The following SLC30A8 variants were observed in gnomAD, a reference collection of about 807,000 sequenced individuals.
SLC30A8 encodes the protein proton-coupled zinc antiporter SLC30A8.
Under a neutral mutation model 36.9 loss-of-function variants are expected in SLC30A8, and 27 were observed. The ratio of observed to expected loss-of-function variants is 0.73; its 90% CI spans 0.54 to 1.01. SLC30A8 has a LOEUF of 1.01. Ranked by LOEUF, SLC30A8 falls within the 50% of genes least tolerant of loss-of-function variation. The pLI is 0.00. For synonymous variants in SLC30A8, 164 were observed against 172.4 expected, an observed-to-expected ratio of 0.95 and a Z score of 0.38; for missense variants, 439 against 452.0, an observed-to-expected ratio of 0.97 and a Z score of 0.26.
At chr8:117,093,978 C>T (rs927021832) in intron 2 of SLC30A8, among the ~76,000 whole-genome samples, 9 of 152,198 alleles carry the variant, frequency 5.9e-5, no homozygotes, top group African/African-American at 1.9e-4. Flanking sequence ...TGGCTCCCTG[C>T]GAGGCTTTGG....
chr8:117,097,903 AAT>A (rs1819512768), intron 2 of SLC30A8, among the ~76,000 whole-genome samples: 2 of 102,164 alleles, frequency 2.0e-5, no homozygotes, highest in South Asian at 5.5e-4. Context: ...TATTATATAT[AAT>A]ATATAATTTT....
At chr8:117,003,206 A>G (rs1218387009) in intron 1 of SLC30A8, among the ~76,000 whole-genome samples, 1 of 152,238 alleles carries the variant, frequency 6.6e-6, no homozygotes, top group Non-Finnish European at 1.5e-5. Context: ...CACAGTGGTT[A>G]ATATGGTCTT....
intron 7 of SLC30A8, 60 bp from the exon 8 acceptor site, chr8:117,172,475 CA>C: frequency 6.2e-7 from 1 of 1,610,188 alleles, no homozygotes; most frequent in Non-Finnish European, 8.5e-7. Context: ...AAGTTGGAGT[CA>C]GAGCAGTCGC....
chr8:117,033,478 A>G (rs1433424367), intron 1 of SLC30A8, among the ~76,000 whole-genome samples: 2 of 152,220 alleles, frequency 1.3e-5, no homozygotes, highest in East Asian at 3.8e-4. Context: ...ATAACAGGAA[A>G]TGAGGAGCAC....
chr8:117,011,480 C>A (rs188165017), intron 1 of SLC30A8, among the ~76,000 whole-genome samples: 8 of 152,328 alleles, frequency 5.3e-5, no homozygotes, highest in African/African-American at 1.7e-4. Context: ...AAATTAAACA[C>A]TTCTACCCTG....
Position 117,173,029 on chromosome 8 carries a change from G to A in SLC30A8, c.*348G>A. On this transcript the variant is annotated 3_prime_UTR_variant, in exon 8 of 8. Transcript: ENST00000456015. ...GAACACATAGGTAAATTTGAACTCA[G>A]GAAAGTCTTACTAGAAATCAGTGGA... 4.9e-6 allele frequency: 1 copy of A among 205,102 alleles called. No individual in the cohort carries two copies. Among genetic ancestry groups the A allele is most frequent in the Admixed American group, 5.6e-5 (1 of 17,792 alleles). The allele number at this position is 205,102 out of a possible 1,614,324, so 12.7% of individuals were successfully genotyped here.
chr8:117,115,979 G>A (rs1194686875), intron 2 of SLC30A8, among the ~76,000 whole-genome samples: 2 of 152,044 alleles, frequency 1.3e-5, no homozygotes, highest in Non-Finnish European at 2.9e-5. Context: ...TTGGTTGTGC[G>A]TTTATATTAT....
intron 2 of SLC30A8, among the ~76,000 whole-genome samples, chr8:117,111,823 CTG>C (rs1820240941): frequency 6.6e-6 from 1 of 152,142 alleles, no homozygotes; most frequent in South Asian, 2.1e-4. Flanking sequence ...TTTGAGGTAA[CTG>C]TGCATAAAAC....
chr8:117,062,908 T>C (rs1280446637), intron 2 of SLC30A8, among the ~76,000 whole-genome samples: 1 of 152,226 alleles, frequency 6.6e-6, no homozygotes, highest in Non-Finnish European at 1.5e-5. Context: ...TTGGCAGAAA[T>C]CATTTTTTCC....
intron 1 of SLC30A8, among the ~76,000 whole-genome samples, chr8:116,969,536 G>T (rs900981218): frequency 2.6e-5 from 4 of 152,144 alleles, no homozygotes; most frequent in African/African-American, 9.7e-5. Flanking sequence ...TTAATGACAG[G>T]AACACATTCT....
intron 1 of SLC30A8, among the ~76,000 whole-genome samples, chr8:116,952,694 T>A (rs573423126): frequency 5.3e-5 from 8 of 152,246 alleles, no homozygotes; most frequent in African/African-American, 1.9e-4. Context: ...TAACATCAAG[T>A]GACCCGCCCA....
intron 2 of SLC30A8, among the ~76,000 whole-genome samples, chr8:117,066,132 G>A (rs1412786831): frequency 2.6e-5 from 4 of 152,120 alleles, no homozygotes; most frequent in African/African-American, 9.7e-5. Flanking sequence ...AACTTCCAAT[G>A]GGGAAAAACA....
At chr8:117,169,518 C>T (rs537871941) in intron 6 of SLC30A8, among the ~76,000 whole-genome samples, 5 of 152,104 alleles carry the variant, frequency 3.3e-5, no homozygotes, top group Non-Finnish European at 7.4e-5. Context: ...AGCTTTTAAA[C>T]AATGCTTATG....
At chr8:116,958,069 C>A (rs1006177214) in intron 1 of SLC30A8, among the ~76,000 whole-genome samples, 1 of 152,168 alleles carries the variant, frequency 6.6e-6, no homozygotes, top group Non-Finnish European at 1.5e-5. Flanking sequence ...TTCTAATGTG[C>A]CTTTGTTAGC....
At chr8:117,131,781 C>G (rs1821147930), upstream of SLC30A8, among the ~76,000 whole-genome samples, 1 of 152,012 alleles carries the variant, frequency 6.6e-6, no homozygotes, top group African/African-American at 2.4e-5. Context: ...GGTTATATAT[C>G]AGAGACTATG....
intron 2 of SLC30A8, among the ~76,000 whole-genome samples, chr8:117,079,867 T>C (rs1210433589): frequency 1.3e-5 from 2 of 152,236 alleles, no homozygotes; most frequent in Non-Finnish European, 2.9e-5. Context: ...CAATTCTTTT[T>C]TGTTTAGACT....
intron 2 of SLC30A8, among the ~76,000 whole-genome samples, chr8:117,086,913 T>C (rs911866464): frequency 6.6e-6 from 1 of 152,148 alleles, no homozygotes; most frequent in East Asian, 1.9e-4. Context: ...TCAAAATGAG[T>C]GCAAAGAGCT....
At chr8:117,009,497 A>G (rs988007189) in intron 1 of SLC30A8, among the ~76,000 whole-genome samples, 2 of 152,216 alleles carry the variant, frequency 1.3e-5, no homozygotes, top group Admixed American at 6.5e-5. Flanking sequence ...AAGATGGGGC[A>G]TTGGCAATTT....
At chr8:116,975,285 T>C (rs1302411357) in intron 1 of SLC30A8, among the ~76,000 whole-genome samples, 1 of 152,224 alleles carries the variant, frequency 6.6e-6, no homozygotes, top group East Asian at 1.9e-4. Context: ...CTGCCAGCTT[T>C]AGACTGCTTA....
Sources: allele counts gnomAD v4.1 joint callset (sites outside exome capture counted in the v4.1 genomes callset), GRCh38; gene constraint gnomAD v4.1.1; transcripts MANE v1.5; gene names NCBI Gene and HGNC (gene_info 2026-07-23, HGNC 2026-07-21).